TNRC6C: variants seen among roughly 807,000 people sequenced by gnomAD.
TNRC6C encodes the protein trinucleotide repeat containing adaptor 6C, also known as trinucleotide repeat-containing gene 6C protein.
A neutral mutation model predicts 153.7 loss-of-function variants in TNRC6C; 20 were observed. That is an observed-to-expected ratio of 0.13 (90% confidence interval 0.09 to 0.19). The LOEUF (loss-of-function observed/expected upper bound fraction) is 0.19. Ranked by LOEUF, TNRC6C falls within the 10% of genes least tolerant of loss-of-function variation. The pLI, the probability that TNRC6C is intolerant of heterozygous loss-of-function variation, is 1.00. For missense variants in TNRC6C, 1,987 were observed against 2,172.0 expected (o/e 0.91, Z 1.69); for synonymous variants, 811 against 841.4 (o/e 0.96, Z 0.63).
chr17:78,104,232 G>T lies in TNRC6C; in HGVS notation c.4713-253G>T, dbSNP rs1349907414. Among the ~76,000 whole-genome samples, 1 of 152,200 alleles carries T rather than the reference G, an allele frequency of 6.6e-6. No homozygotes were observed. The highest frequency in any genetic ancestry group is 1.9e-4 in the East Asian group (1 of 5,202). ...TTTAGCCCAGGATGCAAATGACACT[G>T]ACCCTAAACGAGCCCACATTTAATG... On this transcript the variant is annotated intron_variant, in intron 19 of 19. Coordinates refer to ENST00000301624, the Ensembl canonical transcript of TNRC6C. The surrounding 1 kb of genome is among the most constrained non-coding windows in gnomAD (Gnocchi z 6.2).
exon 3 of TNRC6C, chr17:78,050,926 G>A (rs775810244): frequency 1.4e-5 from 22 of 1,613,874 alleles, no homozygotes; most frequent in Non-Finnish European, 2.5e-6. Flanking sequence ...ATGGGATGCT[G>A]ACAGTAATAG....
chr17:78,076,412 A>G (rs2073086346), intron 8 of TNRC6C, among the ~76,000 whole-genome samples: 1 of 152,206 alleles, frequency 6.6e-6, no homozygotes, highest in Non-Finnish European at 1.5e-5. Context: ...CAGGATGCCC[A>G]GTGAAATTGG....
intron 2 of TNRC6C, among the ~76,000 whole-genome samples, chr17:78,032,877 C>T (rs1336375825): frequency 2.0e-5 from 3 of 152,186 alleles, no homozygotes; most frequent in Non-Finnish European, 2.9e-5. Context: ...ATAGTCTTGG[C>T]TTTCGTCTGC....
chr17:78,075,373 C>G lies in TNRC6C; in HGVS notation c.3060+95C>G. 1.4e-6 allele frequency: 2 copies of G among 1,415,868 alleles called. No individual in the cohort carries two copies. Among genetic ancestry groups the G allele is most frequent in the Non-Finnish European group, 1.9e-6 (2 of 1,055,270 alleles). The allele number at this position is 1,415,868 out of a possible 1,614,324, so 87.7% of individuals were successfully genotyped here. ...TAATACAAGCCAGATTAAAAACTTG[C>G]TGGACTATAATACTTAAGTGACTTT... On this transcript the variant is annotated intron_variant, in intron 8 of 19. Coordinates refer to ENST00000301624, the Ensembl canonical transcript of TNRC6C. The surrounding 1 kb of genome is among the most constrained non-coding windows in gnomAD (Gnocchi z 4.2).
At chr17:78,077,191 G>A (rs764684516) in exon 9 of TNRC6C, 47 of 1,600,512 alleles carry the variant, frequency 2.9e-5, no homozygotes, top group Non-Finnish European at 3.9e-5. Context: ...TCAGGATGGC[G>A]GCCTCGTGGA....
chr17:78,040,976 T>C (rs983642434), intron 2 of TNRC6C: 1 of 151,952 alleles, frequency 6.6e-6, no homozygotes. Flanking sequence ...GGCAGCTCCC[T>C]GGCAGCTCTA....
At chr17:78,093,162 T>G in intron 15 of TNRC6C, 38 bp downstream of exon 17, 1 of 1,598,270 alleles carries the variant, frequency 6.3e-7, no homozygotes, top group Non-Finnish European at 8.5e-7. Context: ...CAGCAGCAGG[T>G]CAGAATGTGC....
intron 16 of TNRC6C, chr17:78,097,820 G>T: frequency 6.4e-7 from 1 of 1,550,800 alleles, no homozygotes; most frequent in Non-Finnish European, 8.7e-7. Context: ...TCCGGCTACA[G>T]TAGCTCTTTC....
chr17:77,972,856 G>A (rs891873016), intron 1 of TNRC6C, among the ~76,000 whole-genome samples: 1 of 152,162 alleles, frequency 6.6e-6, no homozygotes, highest in Non-Finnish European at 1.5e-5. Flanking sequence ...TCCAGTGAGG[G>A]CAATGTTACC....
Position 78,064,712 on chromosome 17 carries a change from C to G in TNRC6C, c.2396-10C>G. On this transcript the variant is annotated splice_polypyrimidine_tract_variant and intron_variant, in intron 3 of 19. Coordinates refer to ENST00000301624, the Ensembl canonical transcript of TNRC6C. ...TCATTATTTTCTCTACCCCTTGGAA[C>G]CTTTTTCAGTTTCATCAGGCTGGGG... The G allele has an allele frequency of 6.2e-7, 1 of 1,613,120 alleles. No individual in the cohort carries two copies. Among genetic ancestry groups the G allele is most frequent in the Non-Finnish European group, 8.5e-7 (1 of 1,179,596 alleles).
At chr17:78,013,123 T>A (rs970108902) in intron 1 of TNRC6C, among the ~76,000 whole-genome samples, 4 of 151,890 alleles carry the variant, frequency 2.6e-5, no homozygotes, top group Non-Finnish European at 2.9e-5. Context: ...CAAAAAAGAG[T>A]TGAAACTGTT....
In TNRC6C at chr17:78,071,159, C is replaced by A. The variant is rs370182394; in HGVS notation, c.2853C>A (p.Gly951=). 8 of 1,602,224 alleles carry A rather than the reference C, an allele frequency of 5.0e-6. No homozygotes were observed. In the African/African-American group the frequency reaches 8.0e-5, roughly 16 times the overall value. The change falls in exon 6 of 20, where the codon GGC becomes GGA. Residue 951 remains glycine, a synonymous_variant. Coordinates refer to ENST00000301624, the Ensembl canonical transcript of TNRC6C. ...TGATCAAACAACTCACAGACATGGG[C>A]TTCCCGGTAACTGGCGTCGTAGTTT...
At chr17:78,082,006 CTAA>C (rs2073189528) in intron 10 of TNRC6C, among the ~76,000 whole-genome samples, 1 of 151,738 alleles carries the variant, frequency 6.6e-6, no homozygotes, top group Non-Finnish European at 1.5e-5. Context: ...GTGCTAACTA[CTAA>C]TGTTAAAATG....
chr17:78,104,377 A>G lies in TNRC6C; in HGVS notation c.4713-108A>G. ...AAATAGCAGTGGCAAAACAGAAGCC[A>G]CAGGATGGCTTCCATGTGGGGCCGT... On this transcript the variant is annotated intron_variant, in intron 19 of 19. Coordinates refer to ENST00000301624, the Ensembl canonical transcript of TNRC6C. This position sits in a 1 kb window ranked among gnomAD's most constrained non-coding sequence, Gnocchi z 6.2. The G allele has an allele frequency of 1.4e-6, 2 of 1,388,186 alleles. No individual in the cohort carries two copies. Among genetic ancestry groups the G allele is most frequent in the Non-Finnish European group, 1.9e-6 (2 of 1,067,220 alleles). The allele number at this position is 1,388,186 out of a possible 1,614,324, so 86.0% of individuals were successfully genotyped here.
At chr17:77,962,018 G>C (rs919730783) in intron 1 of TNRC6C, among the ~76,000 whole-genome samples, 1 of 152,112 alleles carries the variant, frequency 6.6e-6, no homozygotes, top group African/African-American at 2.4e-5. Flanking sequence ...GGAAAGAAAT[G>C]GAAGACACAG....
intron 13 of TNRC6C, among the ~76,000 whole-genome samples, chr17:78,089,784 A>C (rs1446349925): frequency 6.6e-6 from 1 of 152,212 alleles, no homozygotes; most frequent in Non-Finnish European, 1.5e-5. Context: ...TGAACCTCAA[A>C]TGATTGGATA....
intron 13 of TNRC6C, among the ~76,000 whole-genome samples, chr17:78,088,624 TTCTC>T (rs553956076): frequency 6.6e-6 from 1 of 151,932 alleles, no homozygotes; most frequent in Non-Finnish European, 1.5e-5. Flanking sequence ...TCTTTTTTTT[TTCTC>T]TCTCTTTTTT....
intron 1 of TNRC6C, among the ~76,000 whole-genome samples, chr17:78,026,425 T>C (rs551351315): frequency 6.6e-6 from 1 of 152,238 alleles, no homozygotes; most frequent in African/African-American, 2.4e-5. Flanking sequence ...ATCAATTGCA[T>C]TATGCACTAT....
chr17:78,086,842 C>T lies in TNRC6C; in HGVS notation c.3562-11C>T. On this transcript the variant is annotated splice_polypyrimidine_tract_variant and intron_variant, in intron 12 of 19. Coordinates refer to ENST00000301624, the Ensembl canonical transcript of TNRC6C. ...CCACCTAGTTAACGCACCTATGTCT[C>T]TGCCTGCCAGGTTGCGCGCACAATC... 1 of 1,610,522 alleles carries T rather than the reference C, an allele frequency of 6.2e-7. No individual in the cohort carries two copies. Among genetic ancestry groups the T allele is most frequent in the Non-Finnish European group, 8.5e-7 (1 of 1,178,980 alleles).
Sources: gnomAD v4.1 joint callset for allele counts (sites outside exome capture counted in the v4.1 genomes callset) on GRCh38, gnomAD v4.1.1 for gene constraint, Gnocchi (gnomAD v3.1) non-coding constraint, MANE v1.5 for transcripts, NCBI Gene and HGNC (gene_info 2026-07-23, HGNC 2026-07-21) for gene names.